Variants in PTPN21 observed in about 807,000 individuals in gnomAD.
PTPN21 encodes tyrosine-protein phosphatase non-receptor type 21.
In PTPN21, 77 loss-of-function variants were observed where a neutral mutation model predicts 131.8. That is an observed-to-expected ratio of 0.58 (90% confidence interval 0.49 to 0.71). The LOEUF (loss-of-function observed/expected upper bound fraction) is 0.71, where lower values mean the gene tolerates loss of function less well. Among genes scored for constraint, PTPN21 ranks in the 30% least tolerant of loss-of-function variants. PTPN21 has a pLI of 0.00. For synonymous variants in PTPN21, 715 were observed against 621.3 expected (o/e 1.15, Z -2.24); for missense variants, 1,552 against 1,527.1 (o/e 1.02, Z -0.27).
rs764732077 is a variant in PTPN21 at position 88,550,451 on chromosome 14, G to A, written c.-34C>T. ...TTCTTCAAGAATGGAGGAGCAAAGA[G>A]GGAAAAGCTACCCCCACCAACCCAG... On this transcript the variant is annotated 5_prime_UTR_variant, in exon 2 of 19. Transcript: ENST00000556564. 5 of 1,596,482 alleles carry A rather than the reference G, an allele frequency of 3.1e-6. No homozygotes were observed. Among genetic ancestry groups the A allele is most frequent in the Non-Finnish European group, 4.3e-6 (5 of 1,167,840 alleles).
intron 7 of PTPN21, 158 bp downstream of exon 7, chr14:88,501,123 T>C: frequency 1.4e-6 from 1 of 738,018 alleles, no homozygotes; most frequent in South Asian, 1.8e-5. Flanking sequence ...GAATGTGTTT[T>C]ACCACAAAAC....
intron 1 of PTPN21, among the ~76,000 whole-genome samples, chr14:88,550,904 G>T (rs975716642): frequency 6.6e-6 from 1 of 152,184 alleles, no homozygotes; most frequent in Non-Finnish European, 1.5e-5. Context: ...AAATTTTGTA[G>T]TTAGTAATTG....
chr14:88,526,027 TCC>T (rs1411084940), intron 2 of PTPN21, among the ~76,000 whole-genome samples: 1 of 152,082 alleles, frequency 6.6e-6, no homozygotes. Flanking sequence ...ATACCTGTAA[TCC>T]CAAGGCACTG....
chr14:88,554,349 T>C (rs2078898559), intron 1 of PTPN21, among the ~76,000 whole-genome samples: 2 of 152,218 alleles, frequency 1.3e-5, no homozygotes, highest in South Asian at 4.1e-4. Flanking sequence ...TTATATATTC[T>C]GAGAGGCACA....
chr14:88,489,155 T>C (rs1196641046), intron 10 of PTPN21, among the ~76,000 whole-genome samples: 1 of 152,178 alleles, frequency 6.6e-6, no homozygotes, highest in Admixed American at 6.5e-5. Flanking sequence ...CAAGATGTGG[T>C]ATCCCTGGTG....
chr14:88,541,107 C>T (rs1318837628), intron 2 of PTPN21, among the ~76,000 whole-genome samples: 21 of 152,196 alleles, frequency 1.4e-4, no homozygotes, highest in Admixed American at 1.4e-3. Flanking sequence ...CAACACTATA[C>T]ACCTTTTAAT....
chr14:88,523,067 G>A (rs2078420927), intron 2 of PTPN21, among the ~76,000 whole-genome samples: 1 of 151,852 alleles, frequency 6.6e-6, no homozygotes, highest in Non-Finnish European at 1.5e-5. Context: ...GAAAATCAAG[G>A]AAAAGGAGAG....
chr14:88,499,013 A>G (rs2077967171), intron 8 of PTPN21, among the ~76,000 whole-genome samples: 1 of 152,184 alleles, frequency 6.6e-6, no homozygotes, highest in Non-Finnish European at 1.5e-5. Flanking sequence ...GAAAATTCCT[A>G]TCCAGTGATA....
At position 88,469,795 on chromosome 14, in the gene PTPN21, G is replaced by A; in HGVS notation, c.3001-62C>T. ...CGGCAATGGATGCCTTTCTCACATA[G>A]ACGGCACATCTGAAACAGAACCACA... On this transcript the variant is annotated intron_variant, in intron 16 of 18. Transcript: ENST00000556564. This position sits in a 1 kb window ranked among gnomAD's most constrained non-coding sequence, Gnocchi z 4.3. 5.0e-6 allele frequency: 8 copies of A among 1,597,092 alleles called. No individual in the cohort carries two copies. The highest frequency in any genetic ancestry group is 6.9e-6 in the Non-Finnish European group (8 of 1,164,812).
At chr14:88,539,250 A>AT (rs57117892) in intron 2 of PTPN21, among the ~76,000 whole-genome samples, 19,149 of 120,200 alleles carry the variant, frequency 0.16, 2,734 homozygotes, top group African/African-American at 0.39. Context: ...CGCCCGGTTA[A>AT]TTTTTTTTTT....
At position 88,469,476 on chromosome 14, in the gene PTPN21, G is replaced by C. The variant is rs72695831; in HGVS notation, c.3235+23C>G. 1 of 1,572,566 alleles carries C rather than the reference G, an allele frequency of 6.4e-7. No homozygotes were observed. Among genetic ancestry groups the C allele is most frequent in the South Asian group, 1.1e-5 (1 of 90,118 alleles). On this transcript the variant is annotated intron_variant, in intron 17 of 18. Transcript: ENST00000556564. This position sits in a 1 kb window ranked among gnomAD's most constrained non-coding sequence, Gnocchi z 4.3. ...AACACCTCCAGAGGCAGCTGTCCTCGGAACAAAGTTAAAGTCACTCACATA... is the reference window on the plus strand; with the variant it reads ...AACACCTCCAGAGGCAGCTGTCCTCCGAACAAAGTTAAAGTCACTCACATA...
intron 14 of PTPN21, among the ~76,000 whole-genome samples, chr14:88,472,968 T>C (rs928599566): frequency 1.6e-4 from 25 of 152,188 alleles, no homozygotes; most frequent in African/African-American, 6.0e-4. Flanking sequence ...TGCAAACTTT[T>C]GTTTAAAGTT....
chr14:88,539,314 A>G (rs2078672169), intron 2 of PTPN21, among the ~76,000 whole-genome samples: 1 of 148,630 alleles, frequency 6.7e-6, no homozygotes, highest in Admixed American at 6.8e-5. Context: ...CAATGGCATG[A>G]TCTTGACTCA....
At chr14:88,528,694 G>C (rs1470776803) in intron 2 of PTPN21, among the ~76,000 whole-genome samples, 3 of 152,196 alleles carry the variant, frequency 2.0e-5, no homozygotes, top group African/African-American at 7.2e-5. Flanking sequence ...CTCTTCTCTT[G>C]TCTGCCACCA....
intron 2 of PTPN21, among the ~76,000 whole-genome samples, chr14:88,531,604 C>T (rs988578406): frequency 6.6e-6 from 1 of 152,036 alleles, no homozygotes; most frequent in Non-Finnish European, 1.5e-5. Flanking sequence ...AAAAGCAGCT[C>T]TAAGAGCATT....
chr14:88,532,733 C>T (rs1349117561), intron 2 of PTPN21, among the ~76,000 whole-genome samples: 1 of 152,000 alleles, frequency 6.6e-6, no homozygotes, highest in Non-Finnish European at 1.5e-5. Context: ...AGCAAGTTGG[C>T]AGTAGAGGGA....
intron 7 of PTPN21, 64 bp from the exon 8 acceptor site, chr14:88,500,935 T>G: frequency 8.6e-7 from 1 of 1,164,518 alleles, no homozygotes. Flanking sequence ...GCTGCTAGAG[T>G]TCCCTGGACT....
chr14:88,481,170 T>C (rs1292025326), intron 12 of PTPN21, among the ~76,000 whole-genome samples: 1 of 152,228 alleles, frequency 6.6e-6, no homozygotes, highest in Non-Finnish European at 1.5e-5. Flanking sequence ...CAATTTCCTC[T>C]GAAAGGCATT....
At chr14:88,503,719 T>C (rs1334753414) in intron 6 of PTPN21, among the ~76,000 whole-genome samples, 7 of 145,488 alleles carry the variant, frequency 4.8e-5, no homozygotes. Context: ...AGGACTGGTG[T>C]ATTAAATACA....
Sources: gnomAD v4.1 joint callset for allele counts (sites outside exome capture counted in the v4.1 genomes callset) on GRCh38, gnomAD v4.1.1 for gene constraint, Gnocchi (gnomAD v3.1) non-coding constraint, MANE v1.5 for transcripts, NCBI Gene and HGNC (gene_info 2026-07-23, HGNC 2026-07-21) for gene names.